The following TNFRSF13B variants were observed in gnomAD, a reference collection of about 807,000 sequenced individuals.
TNFRSF13B encodes TNF receptor superfamily member 13B, also known as tumor necrosis factor receptor superfamily member 13B.
A neutral mutation model predicts 24.0 loss-of-function variants in TNFRSF13B; 34 were observed. The ratio of observed to expected loss-of-function variants is 1.41; its 90% CI spans 1.08 to 1.88. TNFRSF13B has a LOEUF of 1.88. Among genes scored for constraint, TNFRSF13B ranks in the 40% most tolerant of loss-of-function variants. The probability of loss-of-function intolerance (pLI) is 0.00; values close to 1 mark genes in which losing one functional copy is unlikely to be tolerated. For synonymous variants in TNFRSF13B, 173 were observed against 150.3 expected (o/e 1.15, Z -1.10); for missense variants, 415 against 380.8 (o/e 1.09, Z -0.75).
chr17:16,952,306 G>A (rs1426172742), intron 2 of TNFRSF13B, 140 bp downstream of exon 2: 2 of 1,221,466 alleles, frequency 1.6e-6, no homozygotes, highest in Admixed American at 3.9e-5. Context: ...GCAGAAAGGT[G>A]GAGGGGTAAG....
chr17:16,948,320 A>G (rs1164237034), intron 3 of TNFRSF13B, among the ~76,000 whole-genome samples: 1 of 152,116 alleles, frequency 6.6e-6, no homozygotes, highest in African/African-American at 2.4e-5. Flanking sequence ...AACCCTACAC[A>G]TGTACCCCCG....
chr17:16,971,950 G>A (rs1359249090), intron 1 of TNFRSF13B, 65 bp downstream of exon 1: 8 of 1,556,174 alleles, frequency 5.1e-6, no homozygotes, highest in East Asian at 4.5e-5. Context: ...AACCCCCACG[G>A]CACTCAGGCC....
In TNFRSF13B at chr17:16,939,559, G is replaced by A. The variant is rs2087491333; in HGVS notation, c.870C>T (p.Gly290=). ...GIVCVPAQEG[G]PGA is the part of the protein sequence containing the mutation. ...CCCTGACCCCCATTTATGCACCTGGGCCCCCCTCCTGGGCAGGCACACACA... is the reference window on the plus strand; with the variant it reads ...CCCTGACCCCCATTTATGCACCTGGACCCCCCTCCTGGGCAGGCACACACA... Residue 290 remains glycine, a synonymous_variant, in exon 5 of 5, where the codon GGC becomes GGT. Transcript: ENST00000261652. 1 of 1,612,178 alleles carries A rather than the reference G, an allele frequency of 6.2e-7. No homozygotes were observed. The highest frequency in any genetic ancestry group is 8.5e-7 in the Non-Finnish European group (1 of 1,179,262).
At chr17:16,965,922 C>T (rs945507652) in intron 1 of TNFRSF13B, among the ~76,000 whole-genome samples, 2 of 152,056 alleles carry the variant, frequency 1.3e-5, no homozygotes, top group Non-Finnish European at 2.9e-5. Flanking sequence ...AAAGAAAAGA[C>T]GCATAACATA....
intron 1 of TNFRSF13B, among the ~76,000 whole-genome samples, chr17:16,958,746 G>A (rs890241014): frequency 6.6e-6 from 1 of 151,644 alleles, no homozygotes; most frequent in Non-Finnish European, 1.5e-5. Context: ...TTAATAAAGG[G>A]GATACAGCAT....
chr17:16,962,041 C>G (rs1281770795), intron 1 of TNFRSF13B, among the ~76,000 whole-genome samples: 1 of 152,138 alleles, frequency 6.6e-6, no homozygotes, highest in Non-Finnish European at 1.5e-5. Flanking sequence ...AGAGGGTACT[C>G]TATCCCAGCT....
Position 16,939,340 on chromosome 17 carries a change from C to A in TNFRSF13B, c.*207G>T. ...CTCTCCTTCTCTGCCTGTCTCTTTC[C>A]TTCTCTGCCTCTTTCCCTCTCTGCC... On this transcript the variant is annotated 3_prime_UTR_variant, in exon 5 of 5. Transcript: ENST00000261652. The A allele has an allele frequency of 3.4e-6, 2 of 589,738 alleles. No homozygotes were observed. The highest frequency in any genetic ancestry group is 6.3e-5 in the East Asian group (2 of 31,534). 36.5% of individuals were successfully genotyped at this position (589,738 alleles called of 1,614,324 possible). A position where few individuals can be genotyped will look rare whatever the true frequency, so the allele number is the denominator to read the frequency against.
intron 4 of TNFRSF13B, 87 bp from the exon 5 acceptor site, chr17:16,939,884 G>A (rs2087496496): frequency 8.2e-6 from 12 of 1,455,520 alleles, no homozygotes; most frequent in South Asian, 2.9e-5. Flanking sequence ...ACTCTCCCCC[G>A]ACCCAGGAGC....
At chr17:16,961,135 G>T (rs1440056255) in intron 1 of TNFRSF13B, among the ~76,000 whole-genome samples, 3 of 152,204 alleles carry the variant, frequency 2.0e-5, no homozygotes, top group African/African-American at 7.2e-5. Flanking sequence ...TGGATGTGAA[G>T]GCACTGCTCA....
chr17:16,941,979 A>G (rs2087513886), intron 3 of TNFRSF13B, among the ~76,000 whole-genome samples: 1 of 152,202 alleles, frequency 6.6e-6, no homozygotes, highest in African/African-American at 2.4e-5. Context: ...GACAGACCAC[A>G]TCTGTTTACG....
intron 1 of TNFRSF13B, among the ~76,000 whole-genome samples, chr17:16,957,889 C>T (rs11486481): frequency 0.022 from 3,295 of 152,118 alleles, 112 homozygotes; most frequent in African/African-American, 0.064. Flanking sequence ...GTACTCTAGA[C>T]GGTACCTTGA....
At position 16,964,337 on chromosome 17, in the gene TNFRSF13B, CTT is replaced by C. The variant is rs71355533; in HGVS notation, c.61+7676_61+7677del. ...GGTTGAGAGTCCACCATCTCCATGC[CTT>C]TTTTTTTTTTTTTTTTTTTTGAGAT... On this transcript the variant is annotated intron_variant, in intron 1 of 4. Coordinates refer to ENST00000261652, the MANE Select transcript of TNFRSF13B (RefSeq NM_012452.3). 7.4e-3 allele frequency among the ~76,000 whole-genome samples: 593 copies of C among 79,820 alleles called. 1 individual carries two copies. The highest frequency in any genetic ancestry group is 0.02 in the African/African-American group (408 of 20,784). The allele number at this position is 79,820 out of a possible 152,430, so 52.4% of individuals were successfully genotyped here. A position where few individuals can be genotyped will look rare whatever the true frequency, so the allele number is the denominator to read the frequency against.
Position 16,939,710 on chromosome 17 carries a change from G to T in TNFRSF13B, c.719C>A (p.Pro240His). The T allele has an allele frequency of 6.2e-7, 1 of 1,606,822 alleles. No homozygotes were observed. Among genetic ancestry groups the T allele is most frequent in the Non-Finnish European group, 8.5e-7 (1 of 1,174,990 alleles). ...CSFCFPECRA[P>H]TQESAVTPGT... ...AGGCGTGACTGCGCTCTCCTGCGTG[G>T]GCGCCCTGCACTCAGGGAAGCAGAA... is the stretch of plus-strand genomic sequence containing the variant. Residue 240 changes from proline to histidine, a missense_variant, in exon 5 of 5, where the codon CCC (proline) becomes CAC (histidine). Coordinates refer to ENST00000261652, the MANE Select transcript of TNFRSF13B (RefSeq NM_012452.3).
intron 1 of TNFRSF13B, among the ~76,000 whole-genome samples, chr17:16,962,500 C>T (rs908245261): frequency 5.3e-5 from 8 of 149,836 alleles, no homozygotes; most frequent in South Asian, 4.3e-4. Flanking sequence ...GAGTGAGACT[C>T]GGTCTCCCCC....
chr17:16,940,690 C>CT lies in TNFRSF13B; in HGVS notation c.446-180_446-179insA. 5.5e-6 allele frequency: 8 copies of CT among 1,467,150 alleles called. No homozygotes were observed. The South Asian group carries it at 1.1e-4, about 20-fold the overall frequency. The allele number at this position is 1,467,150 out of a possible 1,614,324, so 90.9% of individuals were successfully genotyped here. The stretch of plus-strand genomic sequence containing the variant: ...TCTCTGGATCCTGGAGGAAGTTGAT[C>CT]CACTCCCCCATCCTGGCAGCAACTT... On this transcript the variant is annotated intron_variant, in intron 3 of 4. Transcript: ENST00000261652.
intron 3 of TNFRSF13B, among the ~76,000 whole-genome samples, chr17:16,945,336 A>T (rs2087540165): frequency 1.3e-5 from 2 of 152,198 alleles, no homozygotes; most frequent in Non-Finnish European, 1.5e-5. Flanking sequence ...GAAGTGGCTA[A>T]CCTTGTCCCA....
At chr17:16,950,010 T>A (rs1192153013) in intron 2 of TNFRSF13B, among the ~76,000 whole-genome samples, 2 of 152,180 alleles carry the variant, frequency 1.3e-5, no homozygotes, top group Non-Finnish European at 2.9e-5. Flanking sequence ...TATTTCTACA[T>A]GGAAGTTTTT....
At chr17:16,968,919 A>G (rs969181208) in intron 1 of TNFRSF13B, among the ~76,000 whole-genome samples, 4 of 152,246 alleles carry the variant, frequency 2.6e-5, no homozygotes, top group Non-Finnish European at 2.9e-5. Context: ...AAAAAACCAT[A>G]TAAATGGCTA....
intron 3 of TNFRSF13B, among the ~76,000 whole-genome samples, chr17:16,944,516 G>A (rs11871739): frequency 9.9e-5 from 15 of 152,062 alleles, no homozygotes; most frequent in African/African-American, 3.4e-4. Context: ...CTCCACACCC[G>A]CACCCCAGCC....
Sources: gnomAD v4.1 joint callset for allele counts (sites outside exome capture counted in the v4.1 genomes callset) on GRCh38, gnomAD v4.1.1 for gene constraint, MANE v1.5 for transcripts, NCBI Gene and HGNC (gene_info 2026-07-23, HGNC 2026-07-21) for gene names.